Variants in ZFHX3 observed in about 807,000 individuals in gnomAD.
ZFHX3 encodes zinc finger homeobox 3, also known as zinc finger homeobox protein 3.
ZFHX3 carries 42 observed loss-of-function variants against 279.1 expected under a neutral mutation model. The observed-to-expected ratio is 0.15, with a 90% confidence interval of 0.12 to 0.19. The LOEUF (loss-of-function observed/expected upper bound fraction) is 0.19. Among genes scored for constraint, ZFHX3 ranks in the 10% least tolerant of loss-of-function variants. ZFHX3 has a pLI of 1.00. For missense variants in ZFHX3, 4,981 were observed against 4,754.0 expected, an observed-to-expected ratio of 1.05 and a Z score of -1.40; for synonymous variants, 2,293 against 1,957.8, an observed-to-expected ratio of 1.17 and a Z score of -4.52.
chr16:73,246,692 A>G (rs1264312446), intron 5 of ZFHX3, among the ~76,000 whole-genome samples: 2 of 152,254 alleles, frequency 1.3e-5, no homozygotes, highest in African/African-American at 4.8e-5. Context: ...GCAAGTCTAC[A>G]TATTCTTTAG....
At chr16:73,867,200 T>C (rs1962045527) in intron 1 of ZFHX3, among the ~76,000 whole-genome samples, 1 of 152,154 alleles carries the variant, frequency 6.6e-6, no homozygotes, top group Admixed American at 6.5e-5. Flanking sequence ...GAAGACTCTC[T>C]ATGAGCCAAT....
intron 4 of ZFHX3, among the ~76,000 whole-genome samples, chr16:73,276,791 T>C (rs2014313601): frequency 6.6e-6 from 1 of 152,210 alleles, no homozygotes; most frequent in Non-Finnish European, 1.5e-5. Context: ...TGTCAAATTT[T>C]CCATGAATGT....
intron 2 of ZFHX3, among the ~76,000 whole-genome samples, chr16:73,664,225 C>G (rs190475208): frequency 3.9e-5 from 6 of 152,280 alleles, no homozygotes; most frequent in Admixed American, 3.9e-4. Context: ...TTTTTCTGCA[C>G]ATCTAGAAGC....
intron 7 of ZFHX3, among the ~76,000 whole-genome samples, chr16:73,129,695 T>C (rs8057496): frequency 0.043 from 6,329 of 146,762 alleles, 424 homozygotes; most frequent in African/African-American, 0.15. Flanking sequence ...TGCGCGCATG[T>C]GCATGTGTGT....
At position 73,046,821 on chromosome 16, in the gene ZFHX3, G is replaced by A. The variant is rs546135929; in HGVS notation, c.-50+931C>T. The stretch of plus-strand genomic sequence containing the variant: ...GGAGAGGCCTTCCTTCTGTGCCCAG[G>A]CAGAGCCATCTGTTCTCTCTGGGGT... On this transcript the variant is annotated intron_variant, in intron 1 of 9. Transcript: ENST00000268489. Among the ~76,000 whole-genome samples the A allele has an allele frequency of 4.6e-5, 7 of 151,148 alleles. 1 individual carries two copies. In the South Asian group the frequency reaches 1.5e-3, roughly 32 times the overall value.
intron 2 of ZFHX3, among the ~76,000 whole-genome samples, chr16:73,624,313 C>G (rs1331679273): frequency 6.6e-6 from 1 of 152,100 alleles, no homozygotes; most frequent in African/African-American, 2.4e-5. Context: ...GTTTATGTTA[C>G]AAATAGGCTG....
chr16:73,322,413 C>T (rs926936552), intron 3 of ZFHX3, among the ~76,000 whole-genome samples: 1 of 152,048 alleles, frequency 6.6e-6, no homozygotes, highest in African/African-American at 2.4e-5. Flanking sequence ...ATGTATGGTC[C>T]CATCAGGTAG....
At chr16:73,667,772 A>C (rs2052860120) in intron 2 of ZFHX3, among the ~76,000 whole-genome samples, 2 of 152,216 alleles carry the variant, frequency 1.3e-5, no homozygotes, top group Non-Finnish European at 2.9e-5. Context: ...GTGGGAACTT[A>C]CTGGAGAAGC....
intron 3 of ZFHX3, among the ~76,000 whole-genome samples, chr16:72,937,678 G>A (rs972100379): frequency 1.3e-5 from 2 of 152,192 alleles, no homozygotes; most frequent in Non-Finnish European, 2.9e-5. Context: ...CTGCTCCCAC[G>A]CCACCTGCAG....
chr16:73,280,406 A>G (rs1032018656), intron 4 of ZFHX3, among the ~76,000 whole-genome samples: 212 of 152,280 alleles, frequency 1.4e-3, no homozygotes, highest in African/African-American at 4.9e-3. Context: ...ACTGAATAGC[A>G]AAAAAATGCA....
chr16:73,276,508 A>T (rs887086878), intron 4 of ZFHX3, among the ~76,000 whole-genome samples: 2 of 152,130 alleles, frequency 1.3e-5, no homozygotes, highest in Non-Finnish European at 2.9e-5. Flanking sequence ...TTCTTACAGT[A>T]TTGTTACTTA....
chr16:73,862,965 C>T (rs1284478255), intron 1 of ZFHX3, among the ~76,000 whole-genome samples: 1 of 149,872 alleles, frequency 6.7e-6, no homozygotes, highest in Non-Finnish European at 1.5e-5. Flanking sequence ...GTAATCCCAG[C>T]ACTTTGGGAG....
At chr16:73,083,750 A>T (rs1965976948) in intron 8 of ZFHX3, among the ~76,000 whole-genome samples, 1 of 152,062 alleles carries the variant, frequency 6.6e-6, no homozygotes, top group Non-Finnish European at 1.5e-5. Context: ...GGCTGGTCTC[A>T]AACTCCTGGG....
At chr16:73,749,851 C>T (rs1352974) in intron 1 of ZFHX3, among the ~76,000 whole-genome samples, 37,460 of 152,044 alleles carry the variant, frequency 0.25, 5,217 homozygotes, top group African/African-American at 0.39. Flanking sequence ...TGGCCCTGAA[C>T]TGTACCCTAC....
chr16:73,424,634 G>A (rs112159889), intron 3 of ZFHX3, among the ~76,000 whole-genome samples: 1 of 151,552 alleles, frequency 6.6e-6, no homozygotes, highest in Admixed American at 6.6e-5. Context: ...CATGCTTATA[G>A]TCTCAGCCGC....
At chr16:73,515,568 A>G (rs917268821) in intron 2 of ZFHX3, among the ~76,000 whole-genome samples, 1 of 148,734 alleles carries the variant, frequency 6.7e-6, no homozygotes, top group African/African-American at 2.5e-5. Flanking sequence ...AAGAGAGAGA[A>G]AGAAAGAAAG....
intron 2 of ZFHX3, among the ~76,000 whole-genome samples, chr16:73,582,870 T>C (rs747758695): frequency 1.3e-5 from 2 of 151,986 alleles, no homozygotes; most frequent in Non-Finnish European, 2.9e-5. Context: ...TAAGAAGCCA[T>C]ATAAAATCTA....
chr16:73,067,673 T>C (rs545290964), intron 8 of ZFHX3, among the ~76,000 whole-genome samples: 53 of 152,342 alleles, frequency 3.5e-4, no homozygotes, highest in Middle Eastern at 6.8e-3. Context: ...AGAAACTGCA[T>C]TCATCCCTTG....
rs145571592 is a variant in ZFHX3 at position 73,416,858 on chromosome 16, A to G, written c.-1291+39145T>C. ...CACTGCACTCCAGCCTGGGCGACAG[A>G]GCGAGACTCCGTCTCAAACAGAAAA... On this transcript the variant is annotated intron_variant, in intron 3 of 17. Coordinates refer to the ZFHX3 transcript ENST00000641206. 1.8e-4 allele frequency among the ~76,000 whole-genome samples: 27 copies of G among 151,896 alleles called. 1 individual carries two copies. The highest frequency in any genetic ancestry group is 7.7e-4 in the East Asian group (4 of 5,164).
Sources: allele counts gnomAD v4.1 joint callset (sites outside exome capture counted in the v4.1 genomes callset), GRCh38; gene constraint gnomAD v4.1.1; transcripts MANE v1.5; gene names NCBI Gene and HGNC (gene_info 2026-07-23, HGNC 2026-07-21).